Variants in ATOSB observed in about 807,000 individuals in gnomAD.
The protein encoded by ATOSB is atos homolog protein B.
chr9:35,108,757 C>T, the ATOSB span: 618 of 939,510 alleles, frequency 6.6e-4, 4 homozygotes, highest in African/African-American at 9.6e-3. Flanking sequence ...GAAGAACAGA[C>T]GTAAGCCAGG....
At chr9:35,112,957 TCTC>T in the ATOSB span, among the ~76,000 whole-genome samples, 1 of 152,038 alleles carries the variant, frequency 6.6e-6, no homozygotes, top group African/African-American at 2.4e-5. Flanking sequence ...TAAGCTCCCT[TCTC>T]CTTACCTCAC....
chr9:35,110,857 G>A, the ATOSB span: 6 of 152,230 alleles, frequency 3.9e-5, no homozygotes, highest in Admixed American at 6.5e-5. Flanking sequence ...CCATGATCAA[G>A]GAGAGTGACA....
the ATOSB span, chr9:35,105,584 A>G: frequency 7.6e-7 from 1 of 1,314,900 alleles, no homozygotes; most frequent in African/African-American, 1.5e-5. This position sits in a 1 kb window ranked among gnomAD's most constrained non-coding sequence, Gnocchi z 5.5. Context: ...TTTAAAAATA[A>G]ACTAAGCAAG....
chr9:35,106,372 G>T, the ATOSB span: 462 of 1,614,198 alleles, frequency 2.9e-4, 6 homozygotes, highest in South Asian at 4.9e-3. The surrounding 1 kb of genome is among the most constrained non-coding windows in gnomAD (Gnocchi z 4.6). Flanking sequence ...AGCCCTCAAT[G>T]TGGCCAGATG....
chr9:35,107,345 TAA>T, the ATOSB span: 1 of 1,360,738 alleles, frequency 7.3e-7, no homozygotes, highest in Non-Finnish European at 9.5e-7. Flanking sequence ...AAAAAAAAAG[TAA>T]AAAAAGAGTA....
the ATOSB span, chr9:35,105,568 T>C: frequency 2.5e-6 from 3 of 1,193,618 alleles, no homozygotes; most frequent in Non-Finnish European, 3.5e-6. This position sits in a 1 kb window ranked among gnomAD's most constrained non-coding sequence, Gnocchi z 5.5. Context: ...CATACATACA[T>C]AAAAATTTAA....
chr9:35,107,038 G>A, the ATOSB span: 2,167 of 753,338 alleles, frequency 2.9e-3, 33 homozygotes, highest in African/African-American at 0.033. Context: ...AGTACATGAA[G>A]GACAGGCGCA....
At chr9:35,111,556 C>T in the ATOSB span, 1 of 152,330 alleles carries the variant, frequency 6.6e-6, no homozygotes, top group East Asian at 1.9e-4. Context: ...TCCACTGCCC[C>T]TCTGACTCAC....
chr9:35,105,539 A>G, the ATOSB span: 4 of 1,054,572 alleles, frequency 3.8e-6, no homozygotes, highest in Admixed American at 8.4e-5. The surrounding 1 kb of genome is among the most constrained non-coding windows in gnomAD (Gnocchi z 5.5). Context: ...AAATAAATGA[A>G]TACATACATA....
At chr9:35,106,784 T>C in the ATOSB span, 3 of 1,544,244 alleles carry the variant, frequency 1.9e-6, no homozygotes, top group Non-Finnish European at 2.6e-6. The surrounding 1 kb of genome is among the most constrained non-coding windows in gnomAD (Gnocchi z 4.6). Context: ...AGTACAGACT[T>C]CTGCCCCCAT....
At chr9:35,114,686 G>A in the ATOSB span, among the ~76,000 whole-genome samples, 1 of 152,138 alleles carries the variant, frequency 6.6e-6, no homozygotes, top group East Asian at 1.9e-4. Context: ...AACCCTTACT[G>A]GGTTCAGCTT....
the ATOSB span, chr9:35,107,609 C>A: frequency 6.3e-7 from 1 of 1,593,796 alleles, no homozygotes; most frequent in African/African-American, 1.3e-5. Context: ...CGGGACTGTG[C>A]CCATTGGCAG....
chr9:35,107,319 C>CAAA, the ATOSB span: 1,328 of 1,157,606 alleles, frequency 1.1e-3, no homozygotes, highest in South Asian at 2.5e-3. Context: ...GATCCCATCT[C>CAAA]AAAAAAAAAA....
the ATOSB span, chr9:35,106,398 G>C: frequency 1.2e-6 from 2 of 1,614,038 alleles, no homozygotes; most frequent in Non-Finnish European, 1.7e-6. This position sits in a 1 kb window ranked among gnomAD's most constrained non-coding sequence, Gnocchi z 4.6. Context: ...AAACGTCCTC[G>C]CAGCAATGAT....
the ATOSB span, chr9:35,108,027 G>C: frequency 6.5e-7 from 1 of 1,548,012 alleles, no homozygotes; most frequent in Non-Finnish European, 8.7e-7. Context: ...CCCCAGCCCA[G>C]GGCCTCTCTT....
the ATOSB span, chr9:35,106,891 C>T: frequency 6.4e-7 from 1 of 1,567,510 alleles, no homozygotes; most frequent in Non-Finnish European, 8.7e-7. This position sits in a 1 kb window ranked among gnomAD's most constrained non-coding sequence, Gnocchi z 4.6. Context: ...TCTGTTGGGT[C>T]CTACGGAGAG....
At chr9:35,107,261 T>C in the ATOSB span, 1 of 1,214,402 alleles carries the variant, frequency 8.2e-7, no homozygotes, top group Non-Finnish European at 1.1e-6. Flanking sequence ...AGGAGGAGGT[T>C]GCAGTCAGCT....
the ATOSB span, among the ~76,000 whole-genome samples, chr9:35,114,518 C>A: frequency 6.6e-6 from 1 of 152,114 alleles, no homozygotes; most frequent in Admixed American, 6.5e-5. Context: ...CCCAGCCAGC[C>A]CAGGGGCAAA....
At chr9:35,115,017 T>G in the ATOSB span, among the ~76,000 whole-genome samples, 5 of 128,228 alleles carry the variant, frequency 3.9e-5, no homozygotes, top group African/African-American at 6.1e-5. Context: ...AAGTGGGAAA[T>G]GAGCACACCC....
Sources: gnomAD v4.1 joint callset for allele counts (sites outside exome capture counted in the v4.1 genomes callset) on GRCh38, gnomAD v4.1.1 for gene constraint, Gnocchi (gnomAD v3.1) non-coding constraint, MANE v1.5 for transcripts, NCBI Gene and HGNC (gene_info 2026-07-23, HGNC 2026-07-21) for gene names.